The following PHACTR3 variants were observed in gnomAD, a reference collection of about 807,000 sequenced individuals.
PHACTR3 encodes the protein phosphatase and actin regulator 3.
In PHACTR3, 16 loss-of-function variants were observed where a neutral mutation model predicts 66.8. That is an observed-to-expected ratio of 0.24 (90% CI 0.16 to 0.36). PHACTR3 has a LOEUF of 0.36. Ranked by LOEUF, PHACTR3 falls within the 10% of genes least tolerant of loss-of-function variation. PHACTR3 has a pLI of 1.00. For synonymous variants in PHACTR3, 323 were observed against 292.1 expected (o/e 1.11, Z -1.08); for missense variants, 647 against 719.9 (o/e 0.90, Z 1.16).
intron 1 of PHACTR3, among the ~76,000 whole-genome samples, chr20:59,677,902 G>A (rs1332143692): frequency 6.6e-6 from 1 of 152,178 alleles, no homozygotes; most frequent in Non-Finnish European, 1.5e-5. Context: ...AGGATCAGAG[G>A]AATGCAGTCC....
In PHACTR3 at chr20:59,817,812, A is replaced by G. The variant is rs34832631; in HGVS notation, c.1328+11618A>G. The stretch of plus-strand genomic sequence containing the variant: ...TGTTGAGAGCCTCTTCCTATTTTTA[A>G]AAGCAATGTGTGCACCCAGAAAACA... On this transcript the variant is annotated intron_variant, in intron 8 of 12. Transcript: ENST00000371015. Among the ~76,000 whole-genome samples, 213 of 152,324 alleles carry G rather than the reference A, an allele frequency of 1.4e-3. 1 individual carries two copies. Among genetic ancestry groups the G allele is most frequent in the South Asian group, 3.7e-3 (18 of 4,832 alleles).
intron 1 of PHACTR3, among the ~76,000 whole-genome samples, chr20:59,640,005 C>CA (rs1028672088): frequency 1.3e-5 from 2 of 152,246 alleles, no homozygotes; most frequent in African/African-American, 4.8e-5. Flanking sequence ...TATGGAATAG[C>CA]AAAAAACAGG....
intron 12 of PHACTR3, among the ~76,000 whole-genome samples, chr20:59,846,611 T>G (rs556573357): frequency 4.7e-4 from 71 of 152,332 alleles, no homozygotes; most frequent in African/African-American, 1.6e-3. Flanking sequence ...AGATGTTTAT[T>G]GTCCTAAGTT....
At chr20:59,580,789 A>G (rs2032834689) in intron 1 of PHACTR3, among the ~76,000 whole-genome samples, 1 of 152,112 alleles carries the variant, frequency 6.6e-6, no homozygotes, top group South Asian at 2.1e-4. Flanking sequence ...GAGTTGCCCA[A>G]TTCTTTTGAA....
intron 5 of PHACTR3, among the ~76,000 whole-genome samples, chr20:59,768,441 T>C (rs117267431): frequency 1.3e-5 from 2 of 152,306 alleles, no homozygotes; most frequent in East Asian, 3.9e-4. Context: ...GAAAACAGGC[T>C]CAGGAAACTC....
chr20:59,755,746 G>A (rs752041776), intron 4 of PHACTR3, among the ~76,000 whole-genome samples: 12 of 152,222 alleles, frequency 7.9e-5, no homozygotes, highest in Admixed American at 4.6e-4. Flanking sequence ...TAGGAGGTAG[G>A]GTTGAGGGAC....
intron 1 of PHACTR3, among the ~76,000 whole-genome samples, chr20:59,657,629 C>G (rs2035664286): frequency 6.6e-6 from 1 of 152,040 alleles, no homozygotes; most frequent in Admixed American, 6.5e-5. Context: ...ATATTTCATC[C>G]CACTGCCTTT....
At chr20:59,825,962 G>A (rs1211136738) in intron 8 of PHACTR3, among the ~76,000 whole-genome samples, 21 of 152,154 alleles carry the variant, frequency 1.4e-4, no homozygotes, top group Admixed American at 1.4e-3. Flanking sequence ...ACCATGTGAG[G>A]ACACAGTGAG....
chr20:59,769,587 C>T (rs936858245), intron 5 of PHACTR3, among the ~76,000 whole-genome samples: 3 of 152,224 alleles, frequency 2.0e-5, no homozygotes, highest in Non-Finnish European at 2.9e-5. Context: ...GCCATACACG[C>T]CTTGTCTGTT....
intron 1 of PHACTR3, chr20:59,628,794 C>T (rs2034557049): frequency 4.1e-6 from 4 of 985,460 alleles, no homozygotes; most frequent in Non-Finnish European, 4.8e-6. Context: ...AGCCACAGCC[C>T]TGCGCTGGGA....
At position 59,767,212 on chromosome 20, in the gene PHACTR3, G is replaced by A; in HGVS notation, c.568G>A (p.Glu190Lys). ...AAKMPSASSG[E>K]EADAGSLLPT... ...CAAGATGCCTTCTGCATCCAGTGGTGAAGAAGCAGACGCTGGCAGCCTCCT... is the reference window on the plus strand; with the variant it reads ...CAAGATGCCTTCTGCATCCAGTGGTAAAGAAGCAGACGCTGGCAGCCTCCT... The change falls in exon 5 of 13, where the codon GAA becomes AAA. Residue 190 changes from glutamate to lysine, a missense_variant. Physicochemically the swap from Glu to Lys is moderately conservative, Grantham distance 56. Coordinates refer to ENST00000371015, the MANE Select transcript of PHACTR3 (RefSeq NM_080672.5). 1 of 1,614,238 alleles carries A rather than the reference G, an allele frequency of 6.2e-7. No individual in the cohort carries two copies. The highest frequency in any genetic ancestry group is 8.5e-7 in the Non-Finnish European group (1 of 1,180,050).
At chr20:59,827,873 C>T (rs188188164) in intron 8 of PHACTR3, among the ~76,000 whole-genome samples, 2 of 152,142 alleles carry the variant, frequency 1.3e-5, no homozygotes, top group African/African-American at 4.8e-5. Context: ...TGAAGTTGCC[C>T]TGCCTCCTAT....
intron 1 of PHACTR3, among the ~76,000 whole-genome samples, chr20:59,584,359 G>A (rs930391355): frequency 3.3e-5 from 5 of 150,684 alleles, no homozygotes; most frequent in Non-Finnish European, 5.9e-5. Context: ...CTGTGTGTGC[G>A]TGATTGTGTG....
At chr20:59,605,159 CGGG>C in intron 1 of PHACTR3, 27 bp downstream of exon 1, 11 of 247,568 alleles carry the variant, frequency 4.4e-5, no homozygotes, top group Non-Finnish European at 8.1e-5. Context: ...GGGCGGCGGG[CGGG>C]TCGGGGAGGC....
At chr20:59,639,435 GA>G (rs746619083) in intron 1 of PHACTR3, among the ~76,000 whole-genome samples, 1 of 152,108 alleles carries the variant, frequency 6.6e-6, no homozygotes, top group Non-Finnish European at 1.5e-5. Flanking sequence ...AGGCTGTACT[GA>G]CCACACAAAG....
At chr20:59,844,898 C>T (rs2059123684) in intron 11 of PHACTR3, 1 of 190,882 alleles carries the variant, frequency 5.2e-6, no homozygotes, top group Non-Finnish European at 1.1e-5. Flanking sequence ...TTGATCATCA[C>T]ACAGTCTATG....
rs1049585803 is a variant in PHACTR3, at chr20:59,689,459, G to A, written c.119-53648G>A. The stretch of plus-strand genomic sequence containing the variant: ...CACACTTGTGTGGGGATCTTGAGGA[G>A]TTTCGTAGAGGTGCCGCAGGGTCTG... On this transcript the variant is annotated intron_variant, in intron 1 of 12. Transcript: ENST00000371015. Among the ~76,000 whole-genome samples the A allele has an allele frequency of 3.3e-5, 5 of 152,348 alleles. No homozygotes were observed. In the East Asian group the frequency reaches 9.6e-4, roughly 29 times the overall value.
At chr20:59,710,836 C>T (rs4810183) in intron 1 of PHACTR3, among the ~76,000 whole-genome samples, 6 of 152,130 alleles carry the variant, frequency 3.9e-5, no homozygotes, top group Admixed American at 1.3e-4. Flanking sequence ...TGCCACCTGT[C>T]AGGATCCTAC....
At chr20:59,791,637 T>C (rs2041100648) in intron 7 of PHACTR3, among the ~76,000 whole-genome samples, 1 of 151,302 alleles carries the variant, frequency 6.6e-6, no homozygotes, top group African/African-American at 2.4e-5. Flanking sequence ...ATGTGCACAG[T>C]GCTGGTTTGT....
Sources: allele counts gnomAD v4.1 joint callset (sites outside exome capture counted in the v4.1 genomes callset), GRCh38; gene constraint gnomAD v4.1.1; transcripts MANE v1.5; gene names NCBI Gene and HGNC (gene_info 2026-07-23, HGNC 2026-07-21).